ERC2: variants seen among roughly 807,000 people sequenced by gnomAD.
The protein encoded by ERC2 is ERC protein 2.
A neutral mutation model predicts 114.8 loss-of-function variants in ERC2; 42 were observed. That is an observed-to-expected ratio of 0.37 (90% CI 0.29 to 0.47). ERC2 has a LOEUF of 0.47. Among genes scored for constraint, ERC2 ranks in the 20% least tolerant of loss-of-function variants. The pLI, the probability that ERC2 is intolerant of heterozygous loss-of-function variation, is 0.99. For missense variants in ERC2, 939 were observed against 1,150.7 expected, an observed-to-expected ratio of 0.82 and a Z score of 2.66; for synonymous variants, 454 against 425.5, an observed-to-expected ratio of 1.07 and a Z score of -0.82.
At chr3:55,727,943 T>G (rs1187320051) in intron 15 of ERC2, among the ~76,000 whole-genome samples, 1 of 152,198 alleles carries the variant, frequency 6.6e-6, no homozygotes, top group Non-Finnish European at 1.5e-5. Flanking sequence ...CATTTTGTGG[T>G]CATCAGTTGA....
chr3:56,368,137 A>G (rs1456230345), intron 2 of ERC2, among the ~76,000 whole-genome samples: 2 of 150,746 alleles, frequency 1.3e-5, no homozygotes, highest in Non-Finnish European at 2.9e-5. Context: ...AAACCTGCAC[A>G]TGTACCCCTT....
At chr3:56,274,662 G>A (rs893042436) in intron 3 of ERC2, among the ~76,000 whole-genome samples, 1 of 152,176 alleles carries the variant, frequency 6.6e-6, no homozygotes, top group African/African-American at 2.4e-5. Flanking sequence ...CTGTGTGTAT[G>A]TACCTTTATT....
intron 4 of ERC2, among the ~76,000 whole-genome samples, chr3:56,166,596 T>G (rs1247176197): frequency 6.6e-6 from 1 of 152,116 alleles, no homozygotes; most frequent in Non-Finnish European, 1.5e-5. Context: ...ACTACTCAGA[T>G]ATTCTATTTC....
At chr3:55,697,609 G>C (rs2062999668) in intron 16 of ERC2, among the ~76,000 whole-genome samples, 1 of 152,146 alleles carries the variant, frequency 6.6e-6, no homozygotes. Flanking sequence ...ATGTGCTCTA[G>C]TGCCTCATTC....
chr3:56,082,165 C>T (rs2077267336), intron 6 of ERC2, among the ~76,000 whole-genome samples: 1 of 152,072 alleles, frequency 6.6e-6, no homozygotes, highest in African/African-American at 2.4e-5. Context: ...ATGTGTTGCT[C>T]AAAATTCATA....
chr3:55,844,287 T>C (rs1193627062), intron 14 of ERC2, among the ~76,000 whole-genome samples: 1 of 151,946 alleles, frequency 6.6e-6, no homozygotes, highest in Non-Finnish European at 1.5e-5. Flanking sequence ...TTCATAATAG[T>C]CCCCAAATGG....
intron 14 of ERC2, among the ~76,000 whole-genome samples, chr3:55,780,571 C>T (rs1021670750): frequency 2.0e-5 from 3 of 152,156 alleles, no homozygotes; most frequent in Non-Finnish European, 4.4e-5. Flanking sequence ...TAAATCCATA[C>T]AAATAACATA....
At position 55,699,363 on chromosome 3, in the gene ERC2, A is replaced by G. The variant is rs373268934; in HGVS notation, c.2847+15T>C. On this transcript the variant is annotated intron_variant, in intron 16 of 17. Transcript: ENST00000288221. ...GGTAAAAGGGGTCTTGGAGGTAAGC[A>G]GCGATGAAACTGACCTGGTCCGGAG... 26 of 1,613,516 alleles carry G rather than the reference A, an allele frequency of 1.6e-5. No individual in the cohort carries two copies. The highest frequency in any genetic ancestry group is 2.1e-5 in the Non-Finnish European group (25 of 1,179,788).
chr3:55,935,851 A>T (rs917203676), intron 13 of ERC2, among the ~76,000 whole-genome samples: 1 of 152,176 alleles, frequency 6.6e-6, no homozygotes, highest in Admixed American at 6.5e-5. Context: ...AACTTCAAGG[A>T]GAAATGAAAA....
intron 1 of ERC2, among the ~76,000 whole-genome samples, chr3:56,466,656 C>G (rs1046034707): frequency 6.6e-6 from 1 of 152,192 alleles, no homozygotes; most frequent in African/African-American, 2.4e-5. Context: ...CCCTCACTTC[C>G]AGAAGTTGAG....
chr3:55,561,144 C>T (rs1011432417), intron 17 of ERC2, among the ~76,000 whole-genome samples: 1 of 136,044 alleles, frequency 7.4e-6, no homozygotes, highest in Non-Finnish European at 1.6e-5. Flanking sequence ...CAAACTACTG[C>T]TGCTTTTCTT....
chr3:55,715,378 A>C (rs917785725), intron 15 of ERC2, among the ~76,000 whole-genome samples: 1 of 152,184 alleles, frequency 6.6e-6, no homozygotes, highest in Non-Finnish European at 1.5e-5. Context: ...GAGAGTTAAT[A>C]GTATAGCTCT....
intron 17 of ERC2, among the ~76,000 whole-genome samples, chr3:55,581,832 C>T (rs2057276853): frequency 6.6e-6 from 1 of 152,170 alleles, no homozygotes; most frequent in Non-Finnish European, 1.5e-5. Flanking sequence ...TAGCAGATGA[C>T]CCCTGGGGAG....
chr3:56,019,100 A>T, intron 7 of ERC2, 69 bp from the exon 8 acceptor site: 1 of 1,200,182 alleles, frequency 8.3e-7, no homozygotes, highest in Non-Finnish European at 1.2e-6. Context: ...CCTGAAGTGG[A>T]TCTATTAATA....
At chr3:55,938,222 A>G (rs1056107511) in intron 13 of ERC2, among the ~76,000 whole-genome samples, 4 of 152,056 alleles carry the variant, frequency 2.6e-5, no homozygotes, top group Admixed American at 6.5e-5. Context: ...CTTTCATTTC[A>G]GAAGCATTTA....
chr3:55,913,263 T>C (rs2064914857), intron 13 of ERC2, among the ~76,000 whole-genome samples: 1 of 152,216 alleles, frequency 6.6e-6, no homozygotes, highest in Non-Finnish European at 1.5e-5. Context: ...ATCTAGTTCA[T>C]TTTTTCATGG....
At chr3:56,172,041 T>C (rs1231216928) in intron 4 of ERC2, among the ~76,000 whole-genome samples, 2 of 151,394 alleles carry the variant, frequency 1.3e-5, no homozygotes, top group Non-Finnish European at 2.9e-5. Context: ...TCTTTTTTTT[T>C]TTTTAAAGCC....
At chr3:55,649,426 A>C (rs2060523714) in intron 17 of ERC2, among the ~76,000 whole-genome samples, 1 of 151,828 alleles carries the variant, frequency 6.6e-6, no homozygotes, top group South Asian at 2.1e-4. Context: ...AGGTCTGGCT[A>C]ATTTTTGTAT....
intron 15 of ERC2, among the ~76,000 whole-genome samples, chr3:55,732,640 G>T (rs1048887102): frequency 2.6e-5 from 4 of 152,182 alleles, no homozygotes; most frequent in Non-Finnish European, 5.9e-5. Context: ...TCCTTACTGG[G>T]AAAAGTAGAT....
Sources: gnomAD v4.1 joint callset for allele counts (sites outside exome capture counted in the v4.1 genomes callset) on GRCh38, gnomAD v4.1.1 for gene constraint, MANE v1.5 for transcripts, NCBI Gene and HGNC (gene_info 2026-07-23, HGNC 2026-07-21) for gene names.